Variants in HPSE2 observed in about 807,000 individuals in gnomAD.
HPSE2 encodes the protein heparanase 2 (inactive).
In HPSE2, 38 loss-of-function variants were observed where a neutral mutation model predicts 60.5. The ratio of observed to expected loss-of-function variants is 0.63; its 90% CI spans 0.48 to 0.82. HPSE2 has a LOEUF of 0.82. Among genes scored for constraint, HPSE2 ranks in the 40% least tolerant of loss-of-function variants. HPSE2 has a pLI of 0.00. For missense variants in HPSE2, 713 were observed against 740.4 expected, an observed-to-expected ratio of 0.96 and a Z score of 0.43; for synonymous variants, 295 against 293.2, an observed-to-expected ratio of 1.01 and a Z score of -0.06.
intron 7 of HPSE2, among the ~76,000 whole-genome samples, chr10:98,639,367 A>T (rs148824416): frequency 4.6e-5 from 7 of 152,330 alleles, no homozygotes; most frequent in Admixed American, 2.0e-4. Context: ...TTGCACAGCA[A>T]GAGATAATCA....
chr10:98,922,876 T>C (rs1954323671), intron 3 of HPSE2, among the ~76,000 whole-genome samples: 1 of 152,244 alleles, frequency 6.6e-6, no homozygotes, highest in Admixed American at 6.5e-5. Flanking sequence ...TTGTAGCTGT[T>C]ATCTTTGATT....
At chr10:98,755,195 G>C (rs560031647) in intron 3 of HPSE2, among the ~76,000 whole-genome samples, 1 of 151,722 alleles carries the variant, frequency 6.6e-6, no homozygotes, top group East Asian at 1.9e-4. Flanking sequence ...CAAGCAAACA[G>C]AAAACAAAAA....
rs537673411 is a variant in HPSE2, at chr10:98,584,519, C to T, written c.1320+30385G>A. 3.3e-5 allele frequency among the ~76,000 whole-genome samples: 5 copies of T among 152,276 alleles called. No individual in the cohort carries two copies. The South Asian group carries it at 1.0e-3, about 32-fold the overall frequency. Reference sequence around the variant, plus strand: ...TCCAGGAACTTCCTGAAAAATCCATCAACCCCTCAACAGAAAGTAGCAAAC... The same window carrying T: ...TCCAGGAACTTCCTGAAAAATCCATTAACCCCTCAACAGAAAGTAGCAAAC... On this transcript the variant is annotated intron_variant, in intron 9 of 11. Coordinates refer to ENST00000370552, the MANE Select transcript of HPSE2 (RefSeq NM_021828.5).
At chr10:98,841,004 G>A (rs772405046) in intron 3 of HPSE2, among the ~76,000 whole-genome samples, 11 of 152,160 alleles carry the variant, frequency 7.2e-5, no homozygotes, top group Non-Finnish European at 1.6e-4. Context: ...AGCTGGGTTT[G>A]GTGGCTCACA....
At chr10:99,306,779 G>A in the HPSE2 span, among the ~76,000 whole-genome samples, 2 of 152,044 alleles carry the variant, frequency 1.3e-5, no homozygotes, top group African/African-American at 2.4e-5. Flanking sequence ...GCGCGATCTC[G>A]GCTCACTGCA....
intron 3 of HPSE2, among the ~76,000 whole-genome samples, chr10:98,917,968 A>G (rs895537339): frequency 1.3e-5 from 2 of 152,224 alleles, no homozygotes; most frequent in Non-Finnish European, 1.5e-5. Flanking sequence ...AAGTGATACC[A>G]GTTCAGGGCC....
At chr10:98,608,414 C>T (rs1182050163) in intron 9 of HPSE2, among the ~76,000 whole-genome samples, 2 of 152,188 alleles carry the variant, frequency 1.3e-5, no homozygotes, top group African/African-American at 2.4e-5. Flanking sequence ...GCACACCGCT[C>T]AGGCTGATAA....
At chr10:98,705,423 T>C (rs1371765635) in intron 5 of HPSE2, among the ~76,000 whole-genome samples, 1 of 152,222 alleles carries the variant, frequency 6.6e-6, no homozygotes, top group Non-Finnish European at 1.5e-5. Context: ...CCCAAAGGAA[T>C]ATAAATAATT....
intron 5 of HPSE2, among the ~76,000 whole-genome samples, chr10:98,709,781 G>A (rs189996289): frequency 6.6e-6 from 1 of 152,232 alleles, no homozygotes; most frequent in African/African-American, 2.4e-5. Flanking sequence ...CTCTCCCAGG[G>A]CATATCACAG....
intron 3 of HPSE2, among the ~76,000 whole-genome samples, chr10:98,947,190 A>G (rs1051133510): frequency 5.9e-5 from 9 of 152,194 alleles, no homozygotes; most frequent in Non-Finnish European, 1.3e-4. Flanking sequence ...GGAAAATCAT[A>G]AAGCCATCAC....
At chr10:98,855,032 G>A (rs9988679) in intron 3 of HPSE2, among the ~76,000 whole-genome samples, 83,367 of 151,904 alleles carry the variant, frequency 0.55, 23,115 homozygotes, top group South Asian at 0.74. Flanking sequence ...TCTAGATCCC[G>A]TCAGAGAAAG....
chr10:99,158,318 G>C (rs1477454231), intron 2 of HPSE2, among the ~76,000 whole-genome samples: 34 of 105,714 alleles, frequency 3.2e-4, no homozygotes, highest in African/African-American at 1.0e-3. Flanking sequence ...GTTTATTGCG[G>C]CATTATTCAC....
intron 3 of HPSE2, among the ~76,000 whole-genome samples, chr10:98,880,048 G>C (rs1477894969): frequency 6.6e-6 from 1 of 151,858 alleles, no homozygotes; most frequent in Middle Eastern, 3.2e-3. Flanking sequence ...ATGTCTTTTG[G>C]CAAGGTTCTG....
intron 3 of HPSE2, among the ~76,000 whole-genome samples, chr10:99,056,101 A>G (rs1177841589): frequency 6.8e-6 from 1 of 146,474 alleles, no homozygotes; most frequent in Non-Finnish European, 1.5e-5. Context: ...CAAATTAACA[A>G]TATCAGGAAT....
chr10:98,953,541 T>C (rs576315414), intron 3 of HPSE2, among the ~76,000 whole-genome samples: 173 of 152,256 alleles, frequency 1.1e-3, no homozygotes, highest in African/African-American at 3.9e-3. Flanking sequence ...GTATTATCTA[T>C]CTAGCCCTGC....
At chr10:98,803,836 T>C (rs1950977107) in intron 3 of HPSE2, among the ~76,000 whole-genome samples, 1 of 151,808 alleles carries the variant, frequency 6.6e-6, no homozygotes, top group African/African-American at 2.4e-5. Context: ...AACTTTAAAG[T>C]AGTTTTTTCC....
chr10:98,993,767 T>C (rs1201517651), intron 3 of HPSE2, among the ~76,000 whole-genome samples: 1 of 152,140 alleles, frequency 6.6e-6, no homozygotes, highest in African/African-American at 2.4e-5. Flanking sequence ...TGTATAAATT[T>C]TTTCCTGAAC....
intron 3 of HPSE2, among the ~76,000 whole-genome samples, chr10:99,019,215 T>C (rs1957207911): frequency 6.6e-6 from 1 of 152,150 alleles, no homozygotes; most frequent in African/African-American, 2.4e-5. Flanking sequence ...ATTGTGAAGT[T>C]TGGTTGCAAT....
rs191696008 is a variant in HPSE2 at position 98,556,157 on chromosome 10, G to A, written c.1320+58747C>T. ...GATAAAGAAAGGGGTGAGCTTACCA[G>A]ATAGCGACACAGAGTCTAGATCTAA... is the stretch of plus-strand genomic sequence containing the variant. On this transcript the variant is annotated intron_variant, in intron 9 of 11. Transcript: ENST00000370552. Among the ~76,000 whole-genome samples the A allele has an allele frequency of 1.1e-4, 16 of 152,334 alleles. No homozygotes were observed. In the East Asian group the frequency reaches 2.9e-3, roughly 28 times the overall value.
Sources: allele counts gnomAD v4.1 joint callset (sites outside exome capture counted in the v4.1 genomes callset), GRCh38; gene constraint gnomAD v4.1.1; transcripts MANE v1.5; gene names NCBI Gene and HGNC (gene_info 2026-07-23, HGNC 2026-07-21).